NDUFAF6: variants seen among roughly 807,000 people sequenced by gnomAD.
NDUFAF6 encodes the protein NADH:ubiquinone oxidoreductase complex assembly factor 6, also known as NADH dehydrogenase (ubiquinone) complex I, assembly factor 6.
Under a neutral mutation model 40.8 loss-of-function variants are expected in NDUFAF6, and 45 were observed. That is an observed-to-expected ratio of 1.10 (90% confidence interval 0.87 to 1.42). The LOEUF (loss-of-function observed/expected upper bound fraction) is 1.42, where lower values mean the gene tolerates loss of function less well. NDUFAF6 is among the 40% of genes most tolerant of loss of function. The pLI is 0.00. For missense variants in NDUFAF6, 435 were observed against 418.5 expected (o/e 1.04, Z -0.34); for synonymous variants, 185 against 155.9 (o/e 1.19, Z -1.39).
chr8:94,940,802 AACC>A (rs1381025809), intron 1 of NDUFAF6: 1 of 1,545,014 alleles, frequency 6.5e-7, no homozygotes, highest in Non-Finnish European at 8.9e-7. Context: ...TGTGAAGATG[AACC>A]ACCAAGTAAC....
intron 1 of NDUFAF6, among the ~76,000 whole-genome samples, chr8:94,973,746 G>A (rs944539547): frequency 4.0e-5 from 6 of 150,642 alleles, no homozygotes; most frequent in Non-Finnish European, 8.9e-5. Flanking sequence ...TTGGCCAGAC[G>A]TGGTGGCTCA....
At chr8:95,103,017 T>C (rs1809702842) in exon 3 of NDUFAF6, 1 of 152,120 alleles carries the variant, frequency 6.6e-6, no homozygotes, top group Non-Finnish European at 1.5e-5. Flanking sequence ...AGATGGTGGG[T>C]GGCAACTCCA....
exon 1 of NDUFAF6, chr8:94,895,908 T>C: frequency 6.5e-6 from 1 of 153,502 alleles, no homozygotes; most frequent in Non-Finnish European, 1.4e-5. Flanking sequence ...AGGGAAGGCA[T>C]TTCCAGCCCG....
At chr8:94,956,393 T>C (rs1210217952), upstream of NDUFAF6, among the ~76,000 whole-genome samples, 1 of 152,006 alleles carries the variant, frequency 6.6e-6, no homozygotes, top group South Asian at 2.1e-4. Flanking sequence ...CAGTGACTAG[T>C]AGCAGAAGGA....
chr8:95,116,061 C>T (rs1172469446), intron 5 of NDUFAF6, among the ~76,000 whole-genome samples: 4 of 152,086 alleles, frequency 2.6e-5, no homozygotes, highest in Non-Finnish European at 4.4e-5. Context: ...TCGCTTGAAC[C>T]GGGGAGGCGG....
intron 8 of NDUFAF6, among the ~76,000 whole-genome samples, chr8:95,053,625 T>G (rs1831702273): frequency 6.6e-6 from 1 of 151,722 alleles, no homozygotes; most frequent in Admixed American, 6.6e-5. Flanking sequence ...TTCTTTCTTT[T>G]TCTTTCTTTT....
At chr8:94,952,021 C>T (rs1348365582) in intron 2 of NDUFAF6, among the ~76,000 whole-genome samples, 3 of 152,216 alleles carry the variant, frequency 2.0e-5, no homozygotes, top group African/African-American at 7.2e-5. Context: ...TAATTCTTAG[C>T]GTGTTGCTAT....
chr8:95,050,725 C>G (rs1831331177), intron 7 of NDUFAF6, among the ~76,000 whole-genome samples: 2 of 152,078 alleles, frequency 1.3e-5, no homozygotes, highest in African/African-American at 4.8e-5. Context: ...GTTGGGTGAT[C>G]AGTTAGGAGA....
intron 2 of NDUFAF6, among the ~76,000 whole-genome samples, chr8:94,982,591 T>A (rs1352777720): frequency 1.3e-5 from 2 of 152,238 alleles, no homozygotes; most frequent in Non-Finnish European, 2.9e-5. Context: ...TATTTCTGAT[T>A]CCAGGTTTAC....
intron 1 of NDUFAF6, among the ~76,000 whole-genome samples, chr8:94,912,524 C>T (rs560591110): frequency 5.5e-4 from 83 of 152,068 alleles, no homozygotes; most frequent in African/African-American, 1.3e-3. Flanking sequence ...AGACTGGGTG[C>T]GGTGGCTCAC....
At chr8:95,050,886 A>T (rs1162313492) in intron 7 of NDUFAF6, among the ~76,000 whole-genome samples, 1 of 152,234 alleles carries the variant, frequency 6.6e-6, no homozygotes, top group African/African-American at 2.4e-5. Context: ...TTGTGGCAAG[A>T]CCAGATAGAG....
At chr8:94,976,386 C>G (rs1178630446) in intron 1 of NDUFAF6, among the ~76,000 whole-genome samples, 4 of 146,988 alleles carry the variant, frequency 2.7e-5, no homozygotes, top group African/African-American at 4.9e-5. Flanking sequence ...TCCCTGTAAT[C>G]CCAGCTACTT....
intron 2 of NDUFAF6, among the ~76,000 whole-genome samples, chr8:94,989,902 T>C (rs1424285146): frequency 1.3e-5 from 2 of 152,144 alleles, no homozygotes; most frequent in Non-Finnish European, 2.9e-5. Context: ...TTTTTTATTT[T>C]ATTATTTTGT....
At chr8:95,107,982 G>A (rs1339862168), downstream of NDUFAF6, among the ~76,000 whole-genome samples, 1 of 152,222 alleles carries the variant, frequency 6.6e-6, no homozygotes, top group African/African-American at 2.4e-5. Context: ...CCACCCAAAT[G>A]ATCTTGGAAA....
chr8:94,929,820 G>A (rs1378197032), intron 1 of NDUFAF6: 3 of 152,236 alleles, frequency 2.0e-5, no homozygotes, highest in Admixed American at 1.3e-4. Context: ...TCTGTACCAC[G>A]TCATGCAGTC....
intron 2 of NDUFAF6, among the ~76,000 whole-genome samples, chr8:95,086,488 T>A (rs1166371826): frequency 6.6e-6 from 1 of 152,226 alleles, no homozygotes; most frequent in African/African-American, 2.4e-5. Context: ...AATAGCAAAC[T>A]GTCCGAAATG....
At chr8:94,977,612 C>CG (rs1405515470) in intron 1 of NDUFAF6, among the ~76,000 whole-genome samples, 1 of 151,832 alleles carries the variant, frequency 6.6e-6, no homozygotes, top group Non-Finnish European at 1.5e-5. Flanking sequence ...CTCTCTCTCT[C>CG]TCTCTCTCCT....
intron 2 of NDUFAF6, among the ~76,000 whole-genome samples, chr8:95,009,328 A>G (rs1827136040): frequency 1.3e-5 from 2 of 151,294 alleles, no homozygotes; most frequent in South Asian, 4.2e-4. Flanking sequence ...TACGTAAGCA[A>G]ATATCACTCA....
chr8:95,076,719 C>T (rs1808634440), downstream of NDUFAF6, among the ~76,000 whole-genome samples: 1 of 151,968 alleles, frequency 6.6e-6, no homozygotes, highest in Non-Finnish European at 1.5e-5. Flanking sequence ...ACTAAAAATA[C>T]AAAATTAGCC....
Sources: gnomAD v4.1 joint callset for allele counts (sites outside exome capture counted in the v4.1 genomes callset) on GRCh38, gnomAD v4.1.1 for gene constraint, MANE v1.5 for transcripts, NCBI Gene and HGNC (gene_info 2026-07-23, HGNC 2026-07-21) for gene names.